The following SLC35D4 variants were observed in gnomAD, a reference collection of about 807,000 sequenced individuals.
SLC35D4 encodes solute carrier family 35 member D4.
At chr18:23,255,631 C>T in the SLC35D4 span, among the ~76,000 whole-genome samples, 1 of 150,100 alleles carries the variant, frequency 6.7e-6, no homozygotes, top group Non-Finnish European at 1.5e-5. Flanking sequence ...ACAATCATAG[C>T]TCACTGCAGC....
At chr18:23,342,886 T>C in the SLC35D4 span, among the ~76,000 whole-genome samples, 3 of 152,234 alleles carry the variant, frequency 2.0e-5, no homozygotes, top group African/African-American at 7.2e-5. Flanking sequence ...TATCTGTTCA[T>C]GTGTTTAGAT....
the SLC35D4 span, among the ~76,000 whole-genome samples, chr18:23,256,220 CATG>C: frequency 1.3e-5 from 2 of 152,250 alleles, no homozygotes; most frequent in Non-Finnish European, 2.9e-5. Context: ...CCTGAGCAAA[CATG>C]AGGCCCTCCC....
the SLC35D4 span, among the ~76,000 whole-genome samples, chr18:23,302,951 G>A: frequency 6.6e-6 from 1 of 152,244 alleles, no homozygotes; most frequent in Admixed American, 6.5e-5. Context: ...ATTTCAAAAT[G>A]GTGATGACTA....
the SLC35D4 span, among the ~76,000 whole-genome samples, chr18:23,401,451 A>C: frequency 6.6e-6 from 1 of 152,228 alleles, no homozygotes; most frequent in Non-Finnish European, 1.5e-5. Context: ...CCCAACCAAA[A>C]GATGAACAGA....
the SLC35D4 span, chr18:23,297,659 G>T: frequency 3.9e-6 from 1 of 253,706 alleles, no homozygotes; most frequent in Non-Finnish European, 7.7e-6. Context: ...AAGCTCAGTC[G>T]AGGCGAGCAG....
the SLC35D4 span, chr18:23,352,184 CTT>C: frequency 1.9e-5 from 31 of 1,595,720 alleles, no homozygotes; most frequent in Admixed American, 5.1e-4. Flanking sequence ...TCCCACCCCT[CTT>C]GTCTCTTACC....
chr18:23,384,980 G>A, the SLC35D4 span: 1 of 1,612,132 alleles, frequency 6.2e-7, no homozygotes, highest in Non-Finnish European at 8.5e-7. Context: ...CATTTTGCAT[G>A]ATCGTTTACC....
At chr18:23,282,704 C>T in the SLC35D4 span, among the ~76,000 whole-genome samples, 12 of 152,122 alleles carry the variant, frequency 7.9e-5, no homozygotes, top group African/African-American at 1.4e-4. Context: ...GGGCAATGCC[C>T]AGGAACAACT....
chr18:23,335,689 A>T, the SLC35D4 span, among the ~76,000 whole-genome samples: 115 of 152,302 alleles, frequency 7.6e-4, no homozygotes, highest in African/African-American at 2.7e-3. Context: ...GTGCAGAATA[A>T]AATCAGTTTT....
At chr18:23,363,435 G>A in the SLC35D4 span, among the ~76,000 whole-genome samples, 2 of 134,908 alleles carry the variant, frequency 1.5e-5, no homozygotes, top group Non-Finnish European at 3.1e-5. Flanking sequence ...AGTGCAGTGA[G>A]GCGATCTCAG....
the SLC35D4 span, among the ~76,000 whole-genome samples, chr18:23,413,659 T>G: frequency 8.6e-5 from 13 of 151,260 alleles, no homozygotes; most frequent in Non-Finnish European, 1.6e-4. Flanking sequence ...GCATGGTGGC[T>G]CACACCTGTA....
At chr18:23,404,023 C>T in the SLC35D4 span, among the ~76,000 whole-genome samples, 1 of 151,888 alleles carries the variant, frequency 6.6e-6, no homozygotes, top group Non-Finnish European at 1.5e-5. Flanking sequence ...GAGGCTCAGG[C>T]AGGAGAATCT....
chr18:23,348,757 A>G, the SLC35D4 span, among the ~76,000 whole-genome samples: 1 of 152,236 alleles, frequency 6.6e-6, no homozygotes, highest in Non-Finnish European at 1.5e-5. Flanking sequence ...GACAGCATAT[A>G]GCTCATATAG....
chr18:23,358,405 G>C, the SLC35D4 span, among the ~76,000 whole-genome samples: 1 of 151,904 alleles, frequency 6.6e-6, no homozygotes. Context: ...GGTCTAAAGA[G>C]CAGAAGTGTG....
At chr18:23,379,456 C>T in the SLC35D4 span, among the ~76,000 whole-genome samples, 2 of 152,080 alleles carry the variant, frequency 1.3e-5, no homozygotes, top group Non-Finnish European at 2.9e-5. Flanking sequence ...GTAACCAAAA[C>T]CTCAACAGCC....
At chr18:23,262,579 G>T in the SLC35D4 span, among the ~76,000 whole-genome samples, 3 of 152,256 alleles carry the variant, frequency 2.0e-5, no homozygotes, top group Non-Finnish European at 2.9e-5. Context: ...CTGATGTCGG[G>T]CAGAGCCTGC....
the SLC35D4 span, chr18:23,356,594 C>T: frequency 5.5e-5 from 88 of 1,614,110 alleles, no homozygotes; most frequent in Non-Finnish European, 6.9e-5. This position sits in a 1 kb window ranked among gnomAD's most constrained non-coding sequence, Gnocchi z 4.1. Flanking sequence ...TTACGATTAC[C>T]TGGCACAGCA....
the SLC35D4 span, among the ~76,000 whole-genome samples, chr18:23,304,387 TATC>T: frequency 1.4e-5 from 2 of 147,622 alleles, no homozygotes; most frequent in African/African-American, 2.5e-5. Flanking sequence ...TTATATAACA[TATC>T]ATTATATATA....
At chr18:23,411,299 G>A in the SLC35D4 span, among the ~76,000 whole-genome samples, 1 of 143,226 alleles carries the variant, frequency 7.0e-6, no homozygotes, top group Non-Finnish European at 1.5e-5. Flanking sequence ...AGGGGAAAGG[G>A]AAGAGGAGGG....
Sources: allele counts gnomAD v4.1 joint callset (sites outside exome capture counted in the v4.1 genomes callset), GRCh38; gene constraint gnomAD v4.1.1; non-coding constraint Gnocchi (gnomAD v3.1); transcripts MANE v1.5; gene names NCBI Gene and HGNC (gene_info 2026-07-23, HGNC 2026-07-21).